The following MTSS2 variants were observed in gnomAD, a reference collection of about 807,000 sequenced individuals.
MTSS2 encodes protein MTSS 2.
Under a neutral mutation model 67.1 loss-of-function variants are expected in MTSS2, and 27 were observed. That is an observed-to-expected ratio of 0.40 (90% CI 0.30 to 0.55). The LOEUF (loss-of-function observed/expected upper bound fraction) is 0.55, where lower values mean the gene tolerates loss of function less well. Among genes scored for constraint, MTSS2 ranks in the 20% least tolerant of loss-of-function variants. MTSS2 has a pLI of 0.43. For missense variants in MTSS2, 1,171 were observed against 1,067.8 expected (o/e 1.10, Z -1.35); for synonymous variants, 624 against 468.6 (o/e 1.33, Z -4.28).
intron 7 of MTSS2, 109 bp from the exon 8 acceptor site, chr16:70,678,518 G>T: frequency 7.5e-7 from 1 of 1,341,962 alleles, no homozygotes; most frequent in Non-Finnish European, 1.0e-6. Context: ...TGGGCTGGGT[G>T]TTGCCCTGGG....
Position 70,663,556 on chromosome 16 carries a change from C to G in MTSS2, c.*121G>C. On this transcript the variant is annotated 3_prime_UTR_variant, in exon 15 of 15. Coordinates refer to ENST00000338779, the MANE Select transcript of MTSS2 (RefSeq NM_138383.3). The stretch of plus-strand genomic sequence containing the variant: ...AGTGAGGTGTCTTTCCATAAAGTGG[C>G]ATGGCCTCTGCCCTGGCTCTGTCCT... The G allele has an allele frequency of 2.8e-6, 4 of 1,421,666 alleles. No homozygotes were observed. Among genetic ancestry groups the G allele is most frequent in the Non-Finnish European group, 3.7e-6 (4 of 1,086,276 alleles). The allele number at this position is 1,421,666 out of a possible 1,614,324, so 88.1% of individuals were successfully genotyped here.
Position 70,661,423 on chromosome 16 carries a change from G to C in MTSS2, c.*2254C>G, listed in dbSNP as rs1447973646. ...GAGTAGGAACCAGGAGGGCTGCCTG[G>C]GGTGGGGGAATAAATTAAAAAAAGG... is the stretch of plus-strand genomic sequence containing the variant. On this transcript the variant is annotated 3_prime_UTR_variant, in exon 15 of 15. Coordinates refer to ENST00000338779, the MANE Select transcript of MTSS2 (RefSeq NM_138383.3). 5.5e-6 allele frequency: 2 copies of C among 365,070 alleles called. No individual in the cohort carries two copies. Among genetic ancestry groups the C allele is most frequent in the African/African-American group, 2.2e-5 (1 of 46,400 alleles). The allele number at this position is 365,070 out of a possible 1,614,324, so 22.6% of individuals were successfully genotyped here.
At chr16:70,680,179 G>A (rs1371220782) in intron 3 of MTSS2, 124 bp from the exon 4 acceptor site, 4 of 428,490 alleles carry the variant, frequency 9.3e-6, no homozygotes, top group Admixed American at 1.1e-4. Context: ...CCCCCGCCGA[G>A]CCGCAGTCCC....
At chr16:70,665,758 C>T (rs1351197309) in intron 11 of MTSS2, 1 of 487,436 alleles carries the variant, frequency 2.1e-6, no homozygotes, top group Non-Finnish European at 3.7e-6. Context: ...CGCTGACCCA[C>T]CTGACAGCCC....
intron 11 of MTSS2, among the ~76,000 whole-genome samples, chr16:70,671,945 A>G (rs1378871313): frequency 6.6e-6 from 1 of 152,246 alleles, no homozygotes; most frequent in Non-Finnish European, 1.5e-5. Flanking sequence ...CCTACAAAAC[A>G]TCTGACCGAT....
chr16:70,663,973 G>T lies in MTSS2; in HGVS notation c.1948C>A (p.Pro650Thr). The T allele has an allele frequency of 6.3e-7, 1 of 1,577,698 alleles. No individual in the cohort carries two copies. Among genetic ancestry groups the T allele is most frequent in the Non-Finnish European group, 8.6e-7 (1 of 1,163,294 alleles). ...LPNTAWGSPS[P>T]EAAGYPGAGA... ...GCCCCGGGGTACCCGGCTGCCTCTG[G>T]GGATGGGCTGCCCCAGGCTGTGTTG... Residue 650 changes from proline (P) to threonine (T), a missense_variant, in exon 15 of 15, where the codon CCA becomes ACA. Around this residue, in one of 2 missense-constraint regions of MTSS2, gnomAD observed 924 missense variants for 756.0 expected, o/e 1.22. Transcript: ENST00000338779.
rs747666973 is a variant in MTSS2 at position 70,680,009 on chromosome 16, G to A, written c.252C>T (p.Arg84=). Reference sequence around the variant, plus strand: ...GCAGCTTGGTCTCGATGCTGCGGTGGCGCATGCACATGCGTGTGAGCGCCG... The same window carrying A: ...GCAGCTTGGTCTCGATGCTGCGGTGACGCATGCACATGCGTGTGAGCGCCG... The part of the protein sequence containing the change: ...IGSALTRMCM[R]HRSIETKLRQ... Residue 84 remains arginine, a synonymous_variant, in exon 4 of 15, where the codon CGC becomes CGT. Coordinates refer to ENST00000338779, the MANE Select transcript of MTSS2 (RefSeq NM_138383.3). The A allele has an allele frequency of 2.6e-5, 40 of 1,542,384 alleles. No individual in the cohort carries two copies. The Admixed American group carries it at 7.1e-4, about 27-fold the overall frequency.
At chr16:70,674,915 C>T (rs2053066649) in intron 10 of MTSS2, among the ~76,000 whole-genome samples, 1 of 152,140 alleles carries the variant, frequency 6.6e-6, no homozygotes, top group Non-Finnish European at 1.5e-5. Flanking sequence ...GAGTTCAAGA[C>T]CAGCCTGGAG....
At chr16:70,671,991 A>C (rs1449038748) in intron 11 of MTSS2, among the ~76,000 whole-genome samples, 2 of 152,346 alleles carry the variant, frequency 1.3e-5, no homozygotes, top group East Asian at 3.9e-4. Context: ...AAAAACAAAG[A>C]GGGACAGGTG....
Position 70,663,997 on chromosome 16 carries a change from T to G in MTSS2, c.1924A>C (p.Asn642His). 1 of 1,595,644 alleles carries G rather than the reference T, an allele frequency of 6.3e-7. No individual in the cohort carries two copies. The highest frequency in any genetic ancestry group is 8.5e-7 in the Non-Finnish European group (1 of 1,172,280). Residue 642 changes from asparagine to histidine, a missense_variant, in exon 15 of 15, where the codon AAC becomes CAC. Transcript: ENST00000338779. ...GGGGATGGGCTGCCCCAGGCTGTGT[T>G]GGGCAGGCTGAGCCTCTTTGGGGAG... ...KASPKRLSLPNTAWGSPSPEA... is the reference protein window; with the variant it reads ...KASPKRLSLPHTAWGSPSPEA...
Position 70,686,022 on chromosome 16 carries a change from G to C in MTSS2, c.-231C>G, listed in dbSNP as rs1419692287. ...GGGCGGCGCGGGGGGCGCGGCGCGG[G>C]CAGCTCGCGGCGCAGCCTCGGCGCG... On this transcript the variant is annotated 5_prime_UTR_variant, in exon 1 of 15. Coordinates refer to ENST00000338779, the MANE Select transcript of MTSS2 (RefSeq NM_138383.3). The C allele has an allele frequency of 6.8e-6, 1 of 147,704 alleles. No individual in the cohort carries two copies. The highest frequency in any genetic ancestry group is 1.5e-5 in the Non-Finnish European group (1 of 66,222). The allele number at this position is 147,704 out of a possible 1,614,324, so 9.1% of individuals were successfully genotyped here. A position where few individuals can be genotyped will look rare whatever the true frequency, so the allele number is the denominator to read the frequency against.
intron 4 of MTSS2, 43 bp from the exon 5 acceptor site, chr16:70,679,920 C>A (rs1389439616): frequency 1.3e-6 from 2 of 1,525,156 alleles, no homozygotes; most frequent in Non-Finnish European, 1.8e-6. Context: ...CCGGGCTCCC[C>A]CGCGACGCCC....
chr16:70,679,144 A>G (rs35566469), intron 7 of MTSS2, among the ~76,000 whole-genome samples, 171 bp downstream of exon 7: 87,596 of 151,800 alleles, frequency 0.58, 25,353 homozygotes, highest in African/African-American at 0.62. Context: ...CTGGCCAGGG[A>G]CCCCGGGGGC....
At chr16:70,680,100 C>A (rs1264412049) in intron 3 of MTSS2, 45 bp from the exon 4 acceptor site, 53 of 1,348,834 alleles carry the variant, frequency 3.9e-5, no homozygotes, top group Non-Finnish European at 5.1e-5. Context: ...CTGGGGCCTG[C>A]GCAGTCCCGG....
chr16:70,674,674 C>G, intron 10 of MTSS2, 146 bp from the exon 11 acceptor site: 1 of 716,174 alleles, frequency 1.4e-6, no homozygotes, highest in Non-Finnish European at 2.3e-6. Flanking sequence ...TCCTGAGACC[C>G]AGGTGCTACA....
chr16:70,681,473 A>C (rs1027957684), intron 1 of MTSS2, among the ~76,000 whole-genome samples: 3 of 152,178 alleles, frequency 2.0e-5, no homozygotes, highest in Non-Finnish European at 4.4e-5. Flanking sequence ...CACAGTGTGG[A>C]GGGTAGGGGG....
At chr16:70,667,341 A>C (rs2052754416) in intron 11 of MTSS2, among the ~76,000 whole-genome samples, 1 of 3,902 alleles carries the variant, frequency 2.6e-4, no homozygotes, top group East Asian at 0.5. Flanking sequence ...GTAGAATATT[A>C]AGAAAGAATC....
In MTSS2 at chr16:70,685,723, C is replaced by T; in HGVS notation, c.69G>A (p.Lys23=). 1 of 1,371,690 alleles carries T rather than the reference C, an allele frequency of 7.3e-7. No individual in the cohort carries two copies. The highest frequency in any genetic ancestry group is 9.6e-7 in the Non-Finnish European group (1 of 1,041,726). 85.0% of individuals were successfully genotyped at this position (1,371,690 alleles called of 1,614,324 possible). The change falls in exon 1 of 15, where the codon AAG becomes AAA. Residue 23 remains lysine, a splice_region_variant and synonymous_variant. Transcript: ENST00000338779. ...GLFQAIVNDM[K]SSYPIWEDFN... is the part of the protein sequence containing the mutation. Reference sequence around the variant, plus strand: ...CCCGGCCCCGCCGCGCCCCGGTTACCTTCATGTCGTTGACTATGGCCTGGA... The same window carrying T: ...CCCGGCCCCGCCGCGCCCCGGTTACTTTCATGTCGTTGACTATGGCCTGGA...
rs780426879 is a variant in MTSS2, at chr16:70,664,703, T to G, written c.1366A>C (p.Ser456Arg). ...DLAMVLTRGL[S>R]LEHQKSSRDS... ...CGGCTGCTCTTCTGGTGCTCCAGGC[T>G]CAGGCCCCGCGTCAGCACCATGGCC... Residue 456 changes from serine (S) to arginine (R), a missense_variant, in exon 14 of 15, where the codon AGC becomes CGC. By Grantham distance (110) the Ser-to-Arg change is moderately radical. This residue lies in a region of MTSS2 where 924 missense variants were observed against 756.0 expected (regional missense o/e 1.22). Transcript: ENST00000338779. 4 of 1,613,110 alleles carry G rather than the reference T, an allele frequency of 2.5e-6. No homozygotes were observed. In the African/African-American group the frequency reaches 5.3e-5, roughly 22 times the overall value.
Sources: gnomAD v4.1 joint callset for allele counts (sites outside exome capture counted in the v4.1 genomes callset) on GRCh38, gnomAD v4.1.1 for gene constraint, gnomAD v4.1.1 regional missense constraint, MANE v1.5 for transcripts, NCBI Gene and HGNC (gene_info 2026-07-23, HGNC 2026-07-21) for gene names.